Variants in KLF3 observed in about 807,000 individuals in gnomAD.
The protein encoded by KLF3 is Krueppel-like factor 3.
In KLF3, 6 loss-of-function variants were observed where a neutral mutation model predicts 32.7. The observed-to-expected ratio is 0.18, with a 90% CI of 0.10 to 0.36. The LOEUF is 0.36. KLF3 is among the 10% of genes least tolerant of loss of function. The probability of loss-of-function intolerance (pLI) is 1.00; values close to 1 mark genes in which losing one functional copy is unlikely to be tolerated. For missense variants in KLF3, 338 were observed against 449.7 expected, an observed-to-expected ratio of 0.75 and a Z score of 2.25; for synonymous variants, 145 against 172.8, an observed-to-expected ratio of 0.84 and a Z score of 1.26.
At chr4:38,695,793 A>G (rs928578327) in intron 5 of KLF3, among the ~76,000 whole-genome samples, 2 of 152,182 alleles carry the variant, frequency 1.3e-5, no homozygotes, top group Middle Eastern at 3.2e-3. Context: ...TCTCACCTCA[A>G]ACTCTTTGAT....
chr4:38,666,671 G>A (rs1273055752), intron 1 of KLF3, among the ~76,000 whole-genome samples: 1 of 152,218 alleles, frequency 6.6e-6, no homozygotes, highest in East Asian at 1.9e-4. Flanking sequence ...ATAAACGTGT[G>A]TATATGTTGA....
chr4:38,681,872 C>T (rs187121705), intron 2 of KLF3, among the ~76,000 whole-genome samples: 3 of 152,276 alleles, frequency 2.0e-5, no homozygotes, highest in Admixed American at 2.0e-4. Flanking sequence ...ACACGGGGGT[C>T]ACGCCGAGGC....
intron 2 of KLF3, among the ~76,000 whole-genome samples, chr4:38,686,695 T>C (rs1722709802): frequency 6.6e-6 from 1 of 152,164 alleles, no homozygotes; most frequent in Non-Finnish European, 1.5e-5. Flanking sequence ...ATCTCTTGTA[T>C]AAGCAGGGAC....
chr4:38,684,518 GT>G (rs1194204957), intron 2 of KLF3, among the ~76,000 whole-genome samples: 1 of 145,210 alleles, frequency 6.9e-6, no homozygotes, highest in Non-Finnish European at 1.5e-5. Flanking sequence ...TTTTGTGGAG[GT>G]TTTTTTGTTT....
intron 5 of KLF3, among the ~76,000 whole-genome samples, chr4:38,696,701 T>G (rs1374031187): frequency 1.3e-5 from 2 of 152,256 alleles, no homozygotes; most frequent in African/African-American, 4.8e-5. Context: ...ACTTTCAATT[T>G]GGAGTTCTCA....
intron 2 of KLF3, 127 bp downstream of exon 2, chr4:38,680,809 G>A (rs1207201917): frequency 1.5e-6 from 1 of 682,714 alleles, no homozygotes; most frequent in Non-Finnish European, 2.6e-6. Flanking sequence ...CCAGCACTTT[G>A]GGAGACCGAG....
intron 1 of KLF3, among the ~76,000 whole-genome samples, chr4:38,677,750 G>A (rs1425167228): frequency 6.6e-6 from 1 of 152,222 alleles, no homozygotes; most frequent in Non-Finnish European, 1.5e-5. Context: ...TAAGGCTAGT[G>A]TATGTTAGCA....
At chr4:38,666,882 C>T (rs923383299) in intron 1 of KLF3, among the ~76,000 whole-genome samples, 1 of 151,922 alleles carries the variant, frequency 6.6e-6, no homozygotes, top group African/African-American at 2.4e-5. Context: ...ATCTTTTTTC[C>T]TCTTGATGCA....
chr4:38,700,386 A>G lies in KLF3; in HGVS notation c.*3123A>G, dbSNP rs965533414. On this transcript the variant is annotated 3_prime_UTR_variant, in exon 6 of 6. Coordinates refer to ENST00000261438, the MANE Select transcript of KLF3 (RefSeq NM_016531.6). ...CATTCCTGATTAGATTGTTGTAAAG[A>G]CAATCTGAAAGATCTAAGGTTTTAA... The G allele has an allele frequency of 2.0e-5, 3 of 152,260 alleles. No homozygotes were observed. Among genetic ancestry groups the G allele is most frequent in the Non-Finnish European group, 4.4e-5 (3 of 68,042 alleles). 9.4% of individuals were successfully genotyped at this position (152,260 alleles called of 1,614,324 possible). A position where few individuals can be genotyped will look rare whatever the true frequency, so the allele number is the denominator to read the frequency against.
chr4:38,668,851 C>G (rs986819889), intron 1 of KLF3, among the ~76,000 whole-genome samples: 4 of 152,174 alleles, frequency 2.6e-5, no homozygotes, highest in African/African-American at 9.7e-5. Flanking sequence ...GAAAAAAATT[C>G]TGCAAGCTTC....
In KLF3 at chr4:38,697,251, C is replaced by T. The variant is rs762915564; in HGVS notation, c.1026C>T (p.His342=). 4 of 1,609,792 alleles carry T rather than the reference C, an allele frequency of 2.5e-6. No homozygotes were observed. The highest frequency in any genetic ancestry group is 2.2e-5 in the East Asian group (1 of 44,804). The change falls in exon 6 of 6, where the codon CAC becomes CAT. Residue 342 remains histidine, a synonymous_variant. Coordinates refer to ENST00000261438, the MANE Select transcript of KLF3 (RefSeq NM_016531.6). The part of the protein sequence containing the change: ...SDHLALHRKR[H]MLV The stretch of plus-strand genomic sequence containing the variant: ...ATCTTGCCCTCCATAGGAAACGCCA[C>T]ATGCTAGTCTGATTGCCTCTGTGTC...
At chr4:38,681,727 G>A (rs753910583) in intron 2 of KLF3, among the ~76,000 whole-genome samples, 1 of 152,154 alleles carries the variant, frequency 6.6e-6, no homozygotes, top group Non-Finnish European at 1.5e-5. Context: ...TTTCTTCCAC[G>A]GGCTTGGAAA....
At chr4:38,683,690 G>C (rs1326145017) in intron 2 of KLF3, among the ~76,000 whole-genome samples, 1 of 151,572 alleles carries the variant, frequency 6.6e-6, no homozygotes, top group African/African-American at 2.4e-5. Context: ...CAGGAAGTGA[G>C]CAAGGAAACA....
At chr4:38,673,027 A>C (rs984192268) in intron 1 of KLF3, among the ~76,000 whole-genome samples, 2 of 152,184 alleles carry the variant, frequency 1.3e-5, no homozygotes, top group African/African-American at 4.8e-5. Context: ...GCAGTGGTTC[A>C]AAATGCTTTT....
At chr4:38,684,541 GTTTTTTTTTTTT>G (rs139709836) in intron 2 of KLF3, among the ~76,000 whole-genome samples, 1 of 109,176 alleles carries the variant, frequency 9.2e-6, no homozygotes, top group African/African-American at 3.5e-5. Flanking sequence ...GGTTTTTTGT[GTTTTTTTTTTTT>G]TTTTTTTTGG....
chr4:38,681,375 A>T (rs1238222849), intron 2 of KLF3, among the ~76,000 whole-genome samples: 1 of 152,236 alleles, frequency 6.6e-6, no homozygotes, highest in Non-Finnish European at 1.5e-5. Flanking sequence ...CTGTAACTAT[A>T]TGAGATGACT....
At chr4:38,669,855 T>G (rs1321748811) in intron 1 of KLF3, among the ~76,000 whole-genome samples, 2 of 114,888 alleles carry the variant, frequency 1.7e-5, no homozygotes, top group African/African-American at 6.8e-5. Flanking sequence ...ATTGTGCCAC[T>G]GCACTGCAGC....
intron 1 of KLF3, among the ~76,000 whole-genome samples, chr4:38,669,471 C>T (rs773564330): frequency 9.9e-5 from 15 of 152,192 alleles, no homozygotes; most frequent in South Asian, 8.3e-4. Flanking sequence ...TGTCTGAAGG[C>T]GGGGAATAGC....
At position 38,680,551 on chromosome 4, in the gene KLF3, T is replaced by G. The variant is rs1722487417; in HGVS notation, c.-39-36T>G. Reference sequence around the variant, plus strand: ...TTACTAGTTTGTATTTAAAGTAACCTTGAGACTTAGATGGATACCTTGTTT... The same window carrying G: ...TTACTAGTTTGTATTTAAAGTAACCGTGAGACTTAGATGGATACCTTGTTT... On this transcript the variant is annotated intron_variant, in intron 1 of 5. Transcript: ENST00000261438. 4 of 1,102,712 alleles carry G rather than the reference T, an allele frequency of 3.6e-6. No individual in the cohort carries two copies. The African/African-American group carries it at 6.2e-5, about 17-fold the overall frequency. 68.3% of individuals were successfully genotyped at this position (1,102,712 alleles called of 1,614,324 possible).
Sources: gnomAD v4.1 joint callset for allele counts (sites outside exome capture counted in the v4.1 genomes callset) on GRCh38, gnomAD v4.1.1 for gene constraint, MANE v1.5 for transcripts, NCBI Gene and HGNC (gene_info 2026-07-23, HGNC 2026-07-21) for gene names.